NAA11: variants seen among roughly 807,000 people sequenced by gnomAD.
The protein encoded by NAA11 is N-alpha-acetyltransferase 11.
A neutral mutation model predicts 16.1 loss-of-function variants in NAA11; 15 were observed. The observed-to-expected ratio is 0.93, with a 90% CI of 0.62 to 1.44. NAA11 has a LOEUF of 1.44. Ranked by LOEUF, NAA11 falls within the 40% of genes most tolerant of loss-of-function variation. The pLI, the probability that NAA11 is intolerant of heterozygous loss-of-function variation, is 0.00. For synonymous variants in NAA11, 122 were observed against 112.4 expected (o/e 1.09, Z -0.54); for missense variants, 298 against 291.3 (o/e 1.02, Z -0.17).
At chr4:79,220,765 T>G (rs1721171335), downstream of NAA11, among the ~76,000 whole-genome samples, 1 of 152,190 alleles carries the variant, frequency 6.6e-6, no homozygotes, top group African/African-American at 2.4e-5. Context: ...CATGCTGTTT[T>G]GGTTACTGTA....
chr4:79,299,994 G>C (rs527720983), intron 1 of NAA11, among the ~76,000 whole-genome samples: 1 of 152,118 alleles, frequency 6.6e-6, no homozygotes, highest in Non-Finnish European at 1.5e-5. Flanking sequence ...TTCCCCATTC[G>C]CTTTCAGGTG....
intron 1 of NAA11, among the ~76,000 whole-genome samples, chr4:79,322,586 A>C (rs565916754): frequency 6.6e-6 from 1 of 152,252 alleles, no homozygotes; most frequent in South Asian, 2.1e-4. Flanking sequence ...AGAAGCAAAT[A>C]ACTACAAAGA....
At chr4:79,324,734 A>C (rs961435507) in intron 1 of NAA11, among the ~76,000 whole-genome samples, 4 of 152,208 alleles carry the variant, frequency 2.6e-5, no homozygotes, top group Non-Finnish European at 4.4e-5. Context: ...CTGATCCATC[A>C]TTACAAAGTG....
chr4:79,172,038 A>G, the NAA11 span, among the ~76,000 whole-genome samples: 8 of 152,318 alleles, frequency 5.3e-5, no homozygotes, highest in Admixed American at 4.6e-4. Flanking sequence ...TAAGAAGAAT[A>G]TGAACAATAG....
chr4:79,211,974 T>G, the NAA11 span, among the ~76,000 whole-genome samples: 1 of 152,180 alleles, frequency 6.6e-6, no homozygotes, highest in Non-Finnish European at 1.5e-5. Flanking sequence ...CTCATAAGCT[T>G]AAAAAGACTC....
intron 1 of NAA11, among the ~76,000 whole-genome samples, chr4:79,321,997 C>A (rs1724102607): frequency 1.3e-5 from 2 of 152,182 alleles, no homozygotes; most frequent in Non-Finnish European, 2.9e-5. Flanking sequence ...TAGGGTCCAT[C>A]TTTTCCCCTC....
intron 1 of NAA11, among the ~76,000 whole-genome samples, chr4:79,323,523 A>G (rs1724164312): frequency 6.6e-6 from 1 of 151,922 alleles, no homozygotes; most frequent in Non-Finnish European, 1.5e-5. Flanking sequence ...TGTCTCTACT[A>G]AAAATACAAA....
chr4:79,282,952 G>C (rs1361523101), intron 2 of NAA11, among the ~76,000 whole-genome samples: 1 of 152,124 alleles, frequency 6.6e-6, no homozygotes, highest in African/African-American at 2.4e-5. Context: ...TGGCCAGTAA[G>C]GATGGAGGAA....
intron 2 of NAA11, among the ~76,000 whole-genome samples, chr4:79,290,991 A>G (rs879848449): frequency 6.6e-6 from 1 of 152,224 alleles, no homozygotes; most frequent in Admixed American, 6.5e-5. Flanking sequence ...TATGTACAAT[A>G]TGGTATGTTA....
chr4:79,310,777 A>G (rs1723749268), intron 1 of NAA11, among the ~76,000 whole-genome samples: 1 of 152,232 alleles, frequency 6.6e-6, no homozygotes, highest in African/African-American at 2.4e-5. Flanking sequence ...TTAATAATTT[A>G]TGAAAGTTGC....
intron 2 of NAA11, among the ~76,000 whole-genome samples, chr4:79,288,311 C>T (rs184123257): frequency 5.2e-4 from 79 of 152,238 alleles, no homozygotes; most frequent in African/African-American, 1.4e-3. Flanking sequence ...AGACGCATTT[C>T]ACACTTCATT....
At chr4:79,199,744 T>G in the NAA11 span, among the ~76,000 whole-genome samples, 1 of 151,878 alleles carries the variant, frequency 6.6e-6, no homozygotes, top group Non-Finnish European at 1.5e-5. Flanking sequence ...TTGATGCATA[T>G]ATGTGTCATA....
chr4:79,307,226 C>CT (rs1373852959), intron 1 of NAA11: 1 of 152,154 alleles, frequency 6.6e-6, no homozygotes, highest in East Asian at 1.9e-4. Context: ...ATTTTCTGCT[C>CT]TGAAGGTAGT....
chr4:79,182,579 C>CT, the NAA11 span, among the ~76,000 whole-genome samples: 1 of 151,926 alleles, frequency 6.6e-6, no homozygotes, highest in African/African-American at 2.4e-5. Flanking sequence ...GAAGTAGTGT[C>CT]TTTTTTTTAA....
At chr4:79,239,455 C>G (rs954286111) in intron 2 of NAA11, among the ~76,000 whole-genome samples, 9 of 152,078 alleles carry the variant, frequency 5.9e-5, no homozygotes, top group Non-Finnish European at 1.3e-4. Context: ...AATCCTAGCA[C>G]TTTGGGAGGC....
At chr4:79,202,623 T>TTTTATATATATATATATATATA in the NAA11 span, among the ~76,000 whole-genome samples, 17 of 52,640 alleles carry the variant, frequency 3.2e-4, no homozygotes, top group South Asian at 1.3e-3. Context: ...ATATATAGTT[T>TTTTATATATATATATATATATA]TATATATATA....
At chr4:79,227,403 T>C (rs1410888803) in intron 2 of NAA11, 2 of 151,844 alleles carry the variant, frequency 1.3e-5, no homozygotes, top group Non-Finnish European at 2.9e-5. Context: ...AACAGACACA[T>C]GAAAAAATGC....
chr4:79,226,488 T>C lies in NAA11; in HGVS notation c.*123-218A>G, dbSNP rs904572152. ...TACATGTGCACAACGTGCAGGTTTG[T>C]TACATATGCATACACGTGCCATGTT... On this transcript the variant is annotated intron_variant and NMD_transcript_variant, in intron 2 of 2. Transcript: ENST00000511542. Among the ~76,000 whole-genome samples, 10 of 152,190 alleles carry C rather than the reference T, an allele frequency of 6.6e-5. No individual in the cohort carries two copies. The East Asian group carries it at 1.9e-3, about 29-fold the overall frequency.
chr4:79,155,664 A>G, the NAA11 span, among the ~76,000 whole-genome samples: 1 of 152,246 alleles, frequency 6.6e-6, no homozygotes, highest in Non-Finnish European at 1.5e-5. Context: ...GTGTTGCCAA[A>G]TGAAAAGCTC....
Sources: allele counts gnomAD v4.1 joint callset (sites outside exome capture counted in the v4.1 genomes callset), GRCh38; gene constraint gnomAD v4.1.1; transcripts MANE v1.5; gene names NCBI Gene and HGNC (gene_info 2026-07-23, HGNC 2026-07-21).